Variants in MAGI1 observed in about 807,000 individuals in gnomAD.
MAGI1 encodes the protein membrane associated guanylate kinase, WW and PDZ domain containing 1, also known as membrane-associated guanylate kinase, WW and PDZ domain-containing protein 1.
In MAGI1, 58 loss-of-function variants were observed where a neutral mutation model predicts 139.9. The ratio of observed to expected loss-of-function variants is 0.41; its 90% CI spans 0.34 to 0.52. The LOEUF (loss-of-function observed/expected upper bound fraction) is 0.52, where lower values mean the gene tolerates loss of function less well. Among genes scored for constraint, MAGI1 ranks in the 20% least tolerant of loss-of-function variants. The probability of loss-of-function intolerance (pLI) is 0.12; values close to 1 mark genes in which losing one functional copy is unlikely to be tolerated. For missense variants in MAGI1, 1,874 were observed against 1,901.6 expected, an observed-to-expected ratio of 0.99 and a Z score of 0.27; for synonymous variants, 812 against 737.9, an observed-to-expected ratio of 1.10 and a Z score of -1.63.
intron 1 of MAGI1, among the ~76,000 whole-genome samples, chr3:65,783,517 G>T (rs1215421589): frequency 2.6e-5 from 4 of 151,996 alleles, no homozygotes; most frequent in African/African-American, 4.8e-5. Flanking sequence ...TTGAGACAGG[G>T]TCTCACTCTG....
chr3:65,453,548 A>C (rs1300811529), intron 5 of MAGI1, among the ~76,000 whole-genome samples: 1 of 152,138 alleles, frequency 6.6e-6, no homozygotes, highest in African/African-American at 2.4e-5. Flanking sequence ...TTACTTACCT[A>C]ACATATGATT....
At chr3:65,482,084 T>A (rs917899216) in intron 3 of MAGI1, among the ~76,000 whole-genome samples, 2 of 152,164 alleles carry the variant, frequency 1.3e-5, no homozygotes, top group African/African-American at 4.8e-5. Context: ...GAGTGGCCCA[T>A]GAGCAATACT....
intron 1 of MAGI1, among the ~76,000 whole-genome samples, chr3:65,826,007 T>A (rs2042208560): frequency 1.3e-5 from 2 of 151,946 alleles, no homozygotes; most frequent in African/African-American, 4.8e-5. Flanking sequence ...AATAATAAAA[T>A]TTTTGAATTT....
intron 1 of MAGI1, among the ~76,000 whole-genome samples, chr3:65,865,871 C>G (rs2059707259): frequency 1.3e-5 from 2 of 152,144 alleles, no homozygotes; most frequent in Admixed American, 1.3e-4. Flanking sequence ...AACTCCTGAC[C>G]TCAGGTGATC....
At chr3:65,880,307 A>G (rs2108522794) in intron 1 of MAGI1, among the ~76,000 whole-genome samples, 1 of 152,284 alleles carries the variant, frequency 6.6e-6, no homozygotes, top group East Asian at 1.9e-4. Flanking sequence ...TAGTAATGAT[A>G]ACAGTAGTAA....
intron 1 of MAGI1, among the ~76,000 whole-genome samples, chr3:65,857,600 G>A (rs12496917): frequency 0.078 from 11,924 of 152,186 alleles, 659 homozygotes; most frequent in Middle Eastern, 0.13. Flanking sequence ...ATACCATATC[G>A]TAGAAAGCTG....
intron 1 of MAGI1, among the ~76,000 whole-genome samples, chr3:65,972,243 G>C (rs2065047089): frequency 6.6e-6 from 1 of 152,172 alleles, no homozygotes; most frequent in South Asian, 2.1e-4. Flanking sequence ...CGTGGAAAGA[G>C]GTTTATAACA....
intron 1 of MAGI1, among the ~76,000 whole-genome samples, chr3:65,661,604 C>G (rs1320739392): frequency 6.6e-6 from 1 of 152,098 alleles, no homozygotes; most frequent in Non-Finnish European, 1.5e-5. Context: ...CCTCAGTTTC[C>G]TCATTTGAAA....
chr3:66,036,720 A>G (rs563810815), intron 1 of MAGI1, among the ~76,000 whole-genome samples: 1 of 152,258 alleles, frequency 6.6e-6, no homozygotes, highest in African/African-American at 2.4e-5. Context: ...TTCCTTTGAC[A>G]CATTCCTCCA....
chr3:65,406,336 C>T (rs1158549124), intron 12 of MAGI1, among the ~76,000 whole-genome samples: 5 of 151,840 alleles, frequency 3.3e-5, no homozygotes, highest in Admixed American at 6.6e-5. Flanking sequence ...GAGTGGACCT[C>T]TCTGGACCTA....
intron 12 of MAGI1, among the ~76,000 whole-genome samples, chr3:65,428,636 G>A (rs993334928): frequency 4.6e-5 from 7 of 152,170 alleles, no homozygotes; most frequent in African/African-American, 1.7e-4. Context: ...CAGGTGTTGT[G>A]TTAAATGCTG....
intron 1 of MAGI1, among the ~76,000 whole-genome samples, chr3:65,882,965 G>T (rs1480811434): frequency 6.6e-6 from 1 of 150,756 alleles, no homozygotes; most frequent in East Asian, 1.9e-4. Context: ...AAAAAGAAAG[G>T]AAAGAAAAGG....
intron 12 of MAGI1, among the ~76,000 whole-genome samples, chr3:65,414,034 C>T (rs1373264929): frequency 1.3e-5 from 2 of 152,212 alleles, no homozygotes; most frequent in Non-Finnish European, 2.9e-5. Context: ...TGCCAAGATC[C>T]TTTTGCTTTC....
intron 1 of MAGI1, among the ~76,000 whole-genome samples, chr3:65,883,216 G>C (rs1199257365): frequency 6.6e-6 from 1 of 152,058 alleles, no homozygotes; most frequent in Non-Finnish European, 1.5e-5. Flanking sequence ...CAAAATATTA[G>C]CAAATGGCAT....
At chr3:65,360,500 C>T in intron 22 of MAGI1, 2 of 985,076 alleles carry the variant, frequency 2.0e-6, no homozygotes, top group Non-Finnish European at 2.4e-6. Context: ...GACAAAGGAA[C>T]TCTATGTATA....
At chr3:65,719,285 ATGTG>A (rs60689301) in intron 1 of MAGI1, among the ~76,000 whole-genome samples, 19 of 149,642 alleles carry the variant, frequency 1.3e-4, no homozygotes, top group African/African-American at 3.9e-4. Context: ...ATACACATAT[ATGTG>A]TGTGTGTGTG....
chr3:65,625,315 C>T (rs1423493147), intron 1 of MAGI1, among the ~76,000 whole-genome samples: 1 of 152,050 alleles, frequency 6.6e-6, no homozygotes, highest in Admixed American at 6.5e-5. Context: ...AAAATATATA[C>T]AGTGATTGGA....
chr3:65,655,369 T>G (rs139009472), intron 1 of MAGI1, among the ~76,000 whole-genome samples: 8 of 152,300 alleles, frequency 5.3e-5, no homozygotes, highest in African/African-American at 1.9e-4. Flanking sequence ...TACATAGTTA[T>G]GGTACAGATT....
At chr3:65,894,159 A>G (rs943686629) in intron 1 of MAGI1, among the ~76,000 whole-genome samples, 1 of 152,176 alleles carries the variant, frequency 6.6e-6, no homozygotes, top group Non-Finnish European at 1.5e-5. Context: ...TATGGAAAGA[A>G]TCTCAAAGTT....
Sources: gnomAD v4.1 joint callset for allele counts (sites outside exome capture counted in the v4.1 genomes callset) on GRCh38, gnomAD v4.1.1 for gene constraint, MANE v1.5 for transcripts, NCBI Gene and HGNC (gene_info 2026-07-23, HGNC 2026-07-21) for gene names.